Variants in RAPH1 observed in about 807,000 individuals in gnomAD.
RAPH1 encodes the protein Ras association (RalGDS/AF-6) and pleckstrin homology domains 1, also known as ras-associated and pleckstrin homology domains-containing protein 1.
RAPH1 carries 18 observed loss-of-function variants against 88.1 expected under a neutral mutation model. The ratio of observed to expected loss-of-function variants is 0.20; its 90% CI spans 0.14 to 0.30. The LOEUF is 0.30. RAPH1 is among the 10% of genes least tolerant of loss of function. The pLI is 1.00. For missense variants in RAPH1, 1,448 were observed against 1,543.2 expected, an observed-to-expected ratio of 0.94 and a Z score of 1.03; for synonymous variants, 587 against 559.0, an observed-to-expected ratio of 1.05 and a Z score of -0.71.
rs60376098 is a variant in RAPH1 at position 203,518,539 on chromosome 2, C to CAA, written c.-1+16570_-1+16571dup. On this transcript the variant is annotated intron_variant, in intron 1 of 13. Transcript: ENST00000319170. Reference sequence around the variant, plus strand: ...TCTCCAAACAAAAAAAACAAAAAAACAAAAAAAAAACAAAAAACTACTATA... The same window carrying CAA: ...TCTCCAAACAAAAAAAACAAAAAAACAAAAAAAAAAAACAAAAAACTACTATA... 4.8e-3 allele frequency among the ~76,000 whole-genome samples: 703 copies of CAA among 146,628 alleles called. 3 individuals are homozygous for CAA. Among genetic ancestry groups the CAA allele is most frequent in the East Asian group, 7.8e-3 (39 of 5,024 alleles).
chr2:203,440,699 G>T lies in RAPH1; in HGVS notation c.2491C>A (p.Pro831Thr). The T allele has an allele frequency of 6.3e-7, 1 of 1,596,644 alleles. No individual in the cohort carries two copies. The highest frequency in any genetic ancestry group is 1.3e-5 in the African/African-American group (1 of 74,520). ...ASYIPPSPPT[P>T]PVPVPPPTLP... ...GTTGGCGGGGGTACTGGAACAGGAG[G>T]GGTAGGGGGAGAGGGTGGAATGTAA... Residue 831 changes from proline to threonine, a missense_variant, in exon 14 of 14, where the codon CCT (proline) becomes ACT (threonine). Transcript: ENST00000319170.
intron 7 of RAPH1, among the ~76,000 whole-genome samples, chr2:203,457,914 AG>A (rs2098521077): frequency 6.6e-6 from 1 of 152,210 alleles, no homozygotes. Flanking sequence ...GCTACGTTAG[AG>A]GATCTGAAAG....
chr2:203,455,343 A>T, intron 9 of RAPH1, 94 bp downstream of exon 9: 1 of 1,196,680 alleles, frequency 8.4e-7, no homozygotes. Flanking sequence ...ACTGAAACAA[A>T]TCATAGCCTG....
chr2:203,447,861 T>A (rs2098511364), intron 12 of RAPH1, 98 bp downstream of exon 12: 1 of 1,309,070 alleles, frequency 7.6e-7, no homozygotes, highest in African/African-American at 1.5e-5. Context: ...ATGGCTCCGG[T>A]TTTTAAGAAT....
At chr2:203,480,526 C>A (rs1306640596) in intron 4 of RAPH1, among the ~76,000 whole-genome samples, 2 of 151,836 alleles carry the variant, frequency 1.3e-5, no homozygotes, top group African/African-American at 4.8e-5. Context: ...CCAGCCTAGG[C>A]AAAAGAGCAA....
chr2:203,506,868 A>ATCTATATC (rs1182931835), intron 1 of RAPH1, among the ~76,000 whole-genome samples: 1 of 89,432 alleles, frequency 1.1e-5, no homozygotes, highest in Non-Finnish European at 2.1e-5. Context: ...ATATATATAT[A>ATCTATATC]TATATATATA....
intron 1 of RAPH1, among the ~76,000 whole-genome samples, chr2:203,523,392 C>CAAA (rs372951126): frequency 1.0e-5 from 1 of 99,374 alleles, no homozygotes; most frequent in Non-Finnish European, 2.1e-5. Flanking sequence ...GACTCTGTCT[C>CAAA]AAAAAAAAAA....
In RAPH1 at chr2:203,441,253, G is replaced by T; in HGVS notation, c.1937C>A (p.Pro646His). The change falls in exon 14 of 14, where the codon CCT (proline) becomes CAT (histidine). Residue 646 changes from proline to histidine, a missense_variant. Physicochemically the swap from Pro to His is moderately conservative, Grantham distance 77. Coordinates refer to ENST00000319170, the MANE Select transcript of RAPH1 (RefSeq NM_213589.3). Reference protein sequence around the residue: ...PPPPPPPPPPPPPLPSQSAPS... With the variant: ...PPPPPPPPPPHPPLPSQSAPS... The stretch of plus-strand genomic sequence containing the variant: ...TGCAGACTGGCTGGGGAGTGGGGGA[G>T]GAGGGGGTGGTGGAGGGGGTGGTGG... 1.4e-6 allele frequency: 2 copies of T among 1,396,200 alleles called. No individual in the cohort carries two copies. Among genetic ancestry groups the T allele is most frequent in the Non-Finnish European group, 9.8e-7 (1 of 1,022,310 alleles). The allele number at this position is 1,396,200 out of a possible 1,614,324, so 86.5% of individuals were successfully genotyped here.
chr2:203,464,946 A>G (rs1247481197), intron 4 of RAPH1, among the ~76,000 whole-genome samples: 2 of 152,218 alleles, frequency 1.3e-5, no homozygotes, highest in African/African-American at 4.8e-5. Context: ...AGATACCACT[A>G]CACACCTATC....
rs201195792 is a variant in RAPH1, at chr2:203,441,240, G to A, written c.1950C>T (p.Pro650=). The A allele has an allele frequency of 3.1e-5, 47 of 1,502,508 alleles. No homozygotes were observed. The African/African-American group carries it at 5.6e-4, about 18-fold the overall frequency. The allele number at this position is 1,502,508 out of a possible 1,614,324, so 93.1% of individuals were successfully genotyped here. The change falls in exon 14 of 14, where the codon CCC becomes CCT. Residue 650 remains proline (P), a synonymous_variant. Coordinates refer to ENST00000319170, the MANE Select transcript of RAPH1 (RefSeq NM_213589.3). ...PPPPPPPPPL[P]SQSAPSAGSA... ...AGCCTGCAGAAGGTGCAGACTGGCT[G>A]GGGAGTGGGGGAGGAGGGGGTGGTG...
At chr2:203,497,894 C>T (rs570274345) in intron 1 of RAPH1, among the ~76,000 whole-genome samples, 1 of 152,208 alleles carries the variant, frequency 6.6e-6, no homozygotes, top group Non-Finnish European at 1.5e-5. Flanking sequence ...GTGATCTACC[C>T]AGGAAAAACA....
chr2:203,439,926 C>T lies in RAPH1; in HGVS notation c.3264G>A (p.Glu1088=). The part of the protein sequence containing the change: ...PETELPLPPI[E]IPAVFSGNTS... ...TGTTTCCCGAGAAAACTGCTGGAAT[C>T]TCAATGGGGGGCAGAGGAAGCTCTG... is the stretch of plus-strand genomic sequence containing the variant. The change falls in exon 14 of 14, where the codon GAG becomes GAA. Residue 1088 remains glutamate (E), a synonymous_variant. Coordinates refer to ENST00000319170, the MANE Select transcript of RAPH1 (RefSeq NM_213589.3). 3 of 1,613,840 alleles carry T rather than the reference C, an allele frequency of 1.9e-6. No homozygotes were observed. The highest frequency in any genetic ancestry group is 2.5e-6 in the Non-Finnish European group (3 of 1,179,996).
At chr2:203,455,696 AC>A (rs1158434558) in intron 8 of RAPH1, 116 bp from the exon 9 acceptor site, 1 of 946,920 alleles carries the variant, frequency 1.1e-6, no homozygotes, top group Non-Finnish European at 1.6e-6. Flanking sequence ...TTATATTAAA[AC>A]CAAGCTGCTA....
chr2:203,440,885 TAGG>T lies in RAPH1; in HGVS notation c.2302_2304del (p.Pro768del), dbSNP rs770818220. On this transcript the variant is annotated inframe_deletion, in exon 14 of 14. Coordinates refer to ENST00000319170, the MANE Select transcript of RAPH1 (RefSeq NM_213589.3). ...GCTTGGGGAGGGAGGGGTGCAGGGA[TAGG>T]AGGAGGTGGGGGGGGTGTTGGGGGA... 8 of 836,138 alleles carry T rather than the reference TAGG, an allele frequency of 9.6e-6. No homozygotes were observed. The highest frequency in any genetic ancestry group is 4.0e-5 in the South Asian group (2 of 50,580). 51.8% of individuals were successfully genotyped at this position (836,138 alleles called of 1,614,324 possible).
chr2:203,514,700 G>T (rs759130338), intron 1 of RAPH1, among the ~76,000 whole-genome samples: 2 of 151,788 alleles, frequency 1.3e-5, no homozygotes, highest in Non-Finnish European at 2.9e-5. Context: ...AATTACAGGC[G>T]CCCACCACCA....
chr2:203,467,641 G>T (rs987794042), intron 4 of RAPH1, among the ~76,000 whole-genome samples: 1 of 151,986 alleles, frequency 6.6e-6, no homozygotes, highest in Non-Finnish European at 1.5e-5. Flanking sequence ...TATACAGGAG[G>T]ACTTTTCATG....
intron 13 of RAPH1, chr2:203,443,180 A>C (rs2153634352): frequency 6.6e-6 from 1 of 152,340 alleles, no homozygotes; most frequent in South Asian, 2.1e-4. Context: ...TATACGAATG[A>C]AGGAATAAAA....
chr2:203,488,588 T>TAAAAAAAAAA (rs750783858), intron 4 of RAPH1, among the ~76,000 whole-genome samples: 1 of 36,662 alleles, frequency 2.7e-5, no homozygotes, highest in African/African-American at 1.1e-4. Context: ...CTCCGTCTAT[T>TAAAAAAAAAA]AAAAAAAAAA....
Position 203,439,711 on chromosome 2 carries a change from C to T in RAPH1, c.3479G>A (p.Ser1160Asn). 3 of 1,614,112 alleles carry T rather than the reference C, an allele frequency of 1.9e-6. No homozygotes were observed. Among genetic ancestry groups the T allele is most frequent in the Non-Finnish European group, 2.5e-6 (3 of 1,180,028 alleles). The stretch of plus-strand genomic sequence containing the variant: ...GTCAGCCAGGAATCCAGGCTGGACA[C>T]TAAGGCTGGATTTGGGAGAGGTGGG... The part of the protein sequence containing the change: ...QVPTSPKSSL[S>N]VQPGFLADLN... The change falls in exon 14 of 14, where the codon AGT becomes AAT. Residue 1160 changes from serine (S) to asparagine (N), a missense_variant. By Grantham distance (46) the Ser-to-Asn change is conservative. This residue lies in a region of RAPH1 where 935 missense variants were observed against 890.1 expected (regional missense o/e 1.05). Transcript: ENST00000319170.
Sources: gnomAD v4.1 joint callset for allele counts (sites outside exome capture counted in the v4.1 genomes callset) on GRCh38, gnomAD v4.1.1 for gene constraint, gnomAD v4.1.1 regional missense constraint, MANE v1.5 for transcripts, NCBI Gene and HGNC (gene_info 2026-07-23, HGNC 2026-07-21) for gene names.